EME2: variants seen among roughly 807,000 people sequenced by gnomAD.
The protein encoded by EME2 is structure-specific endonuclease subunit EME2.
Under a neutral mutation model 41.9 loss-of-function variants are expected in EME2, and 58 were observed. The ratio of observed to expected loss-of-function variants is 1.38; its 90% CI spans 1.12 to 1.72. The LOEUF (loss-of-function observed/expected upper bound fraction) is 1.72. Among genes scored for constraint, EME2 ranks in the 40% most tolerant of loss-of-function variants. EME2 has a pLI of 0.00. For synonymous variants in EME2, 334 were observed against 239.3 expected (o/e 1.40, Z -3.65); for missense variants, 695 against 541.9 (o/e 1.28, Z -2.81).
chr16:1,777,199 G>A lies in EME2; in HGVS notation c.*961G>A. 6.2e-7 allele frequency: 1 copy of A among 1,610,460 alleles called. No individual in the cohort carries two copies. On this transcript the variant is annotated 3_prime_UTR_variant, in exon 8 of 8. Coordinates refer to ENST00000568449, the MANE Select transcript of EME2 (RefSeq NM_001257370.2). ...GATCGGACACTGGAGCCTTGCGGCG[G>A]CTGCAACTCATGCTCAGGACCCAGC... is the stretch of plus-strand genomic sequence containing the variant.
At position 1,776,841 on chromosome 16, in the gene EME2, C is replaced by G. The variant is rs2042720421; in HGVS notation, c.*603C>G. ...GTGGGAACAGCAACGCGGGCTCCAG[C>G]CAGGCTCTCGTCCTCGCAGCCTCCC... is the stretch of plus-strand genomic sequence containing the variant. On this transcript the variant is annotated 3_prime_UTR_variant, in exon 8 of 8. Transcript: ENST00000568449. 3.7e-6 allele frequency: 2 copies of G among 538,124 alleles called. No individual in the cohort carries two copies. Among genetic ancestry groups the G allele is most frequent in the Non-Finnish European group, 6.5e-6 (2 of 305,356 alleles). The allele number at this position is 538,124 out of a possible 1,614,324, so 33.3% of individuals were successfully genotyped here. A position where few individuals can be genotyped will look rare whatever the true frequency, so the allele number is the denominator to read the frequency against.
chr16:1,775,965 C>A lies in EME2; in HGVS notation c.948C>A (p.Pro316=). ...CTGATGCAGTTGTCACAGCCTTCCC[C>A]TCCCCCCGCCTTCTGCAGCAGGTGG... The part of the protein sequence containing the change: ...AVADAVVTAF[P]SPRLLQQALE... The change falls in exon 7 of 8, where the codon CCC becomes CCA. Residue 316 remains proline (P), a synonymous_variant. Coordinates refer to ENST00000568449, the MANE Select transcript of EME2 (RefSeq NM_001257370.2). The A allele has an allele frequency of 6.2e-7, 1 of 1,609,308 alleles. No homozygotes were observed. Among genetic ancestry groups the A allele is most frequent in the Admixed American group, 1.7e-5 (1 of 59,908 alleles).
At position 1,778,667 on chromosome 16, in the gene EME2, C is replaced by T. The variant is rs1226259469; in HGVS notation, c.*2429C>T. 6.6e-7 allele frequency: 1 copy of T among 1,504,164 alleles called. No individual in the cohort carries two copies. The highest frequency in any genetic ancestry group is 1.4e-5 in the African/African-American group (1 of 72,104). 93.2% of individuals were successfully genotyped at this position (1,504,164 alleles called of 1,614,324 possible). On this transcript the variant is annotated 3_prime_UTR_variant, in exon 8 of 8. Transcript: ENST00000568449. The stretch of plus-strand genomic sequence containing the variant: ...TGTTGCCCGCTCTCTACCCTCTCAC[C>T]CTTGCCCTCTGTCCCTGTCCCACCC...
Position 1,778,653 on chromosome 16 carries a change from C to T in EME2, c.*2415C>T. ...CGGCTGTTACTACCTGTTGCCCGCT[C>T]TCTACCCTCTCACCCTTGCCCTCTG... On this transcript the variant is annotated 3_prime_UTR_variant, in exon 8 of 8. Transcript: ENST00000568449. 1 of 1,516,598 alleles carries T rather than the reference C, an allele frequency of 6.6e-7. No individual in the cohort carries two copies. The highest frequency in any genetic ancestry group is 2.5e-4 in the Middle Eastern group (1 of 4,058). 93.9% of individuals were successfully genotyped at this position (1,516,598 alleles called of 1,614,324 possible).
rs772844873 is a variant in EME2, at chr16:1,775,985, A to G, written c.968A>G (p.Gln323Arg). The G allele has an allele frequency of 3.2e-5, 51 of 1,608,282 alleles. No individual in the cohort carries two copies. Among genetic ancestry groups the G allele is most frequent in the Non-Finnish European group, 4.2e-5 (49 of 1,179,042 alleles). Reference sequence around the variant, plus strand: ...TTCCCCTCCCCCCGCCTTCTGCAGCAGGTGGGCCCCTGCCTCCTCCAAGCC... The same window carrying G: ...TTCCCCTCCCCCCGCCTTCTGCAGCGGGTGGGCCCCTGCCTCCTCCAAGCC... ...TAFPSPRLLQ[Q>R]ALEACSTERE... Residue 323 changes from glutamine to arginine, a missense_variant and splice_region_variant, in exon 7 of 8, where the codon CAG becomes CGG. Coordinates refer to ENST00000568449, the MANE Select transcript of EME2 (RefSeq NM_001257370.2).
intron 3 of EME2, among the ~76,000 whole-genome samples, chr16:1,774,665 C>T (rs2042682045): frequency 6.6e-6 from 1 of 152,244 alleles, no homozygotes; most frequent in African/African-American, 2.4e-5. Flanking sequence ...GAGCAGTGCT[C>T]AGGTGCTGTG....
chr16:1,775,763 CAT>C (rs1376841229), intron 6 of EME2, 32 bp from the exon 7 acceptor site: 2 of 1,612,290 alleles, frequency 1.2e-6, no homozygotes, highest in African/African-American at 1.3e-5. Context: ...GAGCTGCTCA[CAT>C]GAGGTTCTAA....
At chr16:1,774,114 G>C (rs2076433) in intron 2 of EME2, 146 bp from the exon 3 acceptor site, 107,316 of 780,124 alleles carry the variant, frequency 0.14, 8,528 homozygotes, top group East Asian at 0.29. Flanking sequence ...TGGCAGGAAA[G>C]GGAACACTGG....
Position 1,778,346 on chromosome 16 carries a change from C to A in EME2, c.*2108C>A, listed in dbSNP as rs958273887. 6.2e-7 allele frequency: 1 copy of A among 1,611,318 alleles called. No individual in the cohort carries two copies. The highest frequency in any genetic ancestry group is 8.5e-7 in the Non-Finnish European group (1 of 1,179,822). On this transcript the variant is annotated 3_prime_UTR_variant, in exon 8 of 8. Coordinates refer to ENST00000568449, the MANE Select transcript of EME2 (RefSeq NM_001257370.2). ...TCTGCAAGAGAGGCCCAGGCTGGGGCAGCCCTGAGAGCTCCATGGGGCTCT... is the reference window on the plus strand; with the variant it reads ...TCTGCAAGAGAGGCCCAGGCTGGGGAAGCCCTGAGAGCTCCATGGGGCTCT...
chr16:1,776,019 G>A (rs2042707074), intron 7 of EME2, 33 bp downstream of exon 7: 1 of 1,606,040 alleles, frequency 6.2e-7, no homozygotes, highest in Non-Finnish European at 8.5e-7. Flanking sequence ...CCCTCCAGGT[G>A]CAGAAGCCCC....
In EME2 at chr16:1,778,988, C is replaced by A. The variant is rs1012698223; in HGVS notation, c.*2750C>A. 1 of 194,288 alleles carries A rather than the reference C, an allele frequency of 5.1e-6. No homozygotes were observed. Among genetic ancestry groups the A allele is most frequent in the Non-Finnish European group, 1.0e-5 (1 of 95,670 alleles). The allele number at this position is 194,288 out of a possible 1,614,324, so 12.0% of individuals were successfully genotyped here. On this transcript the variant is annotated 3_prime_UTR_variant, in exon 8 of 8. Coordinates refer to ENST00000568449, the MANE Select transcript of EME2 (RefSeq NM_001257370.2). The stretch of plus-strand genomic sequence containing the variant: ...GGCCCCCAGGCAAGGCCACCACCCC[C>A]ACACCAGGCCCAGCTGCAGCCACCC...
intron 1 of EME2, 100 bp from the exon 2 acceptor site, chr16:1,773,605 T>C: frequency 6.5e-7 from 1 of 1,533,186 alleles, no homozygotes; most frequent in Non-Finnish European, 8.8e-7. Context: ...AGTCGGGGGT[T>C]TGTGCCGAAT....
chr16:1,775,085 C>G lies in EME2; in HGVS notation c.522C>G (p.Thr174=). The G allele has an allele frequency of 1.9e-6, 3 of 1,611,172 alleles. No individual in the cohort carries two copies. Among genetic ancestry groups the G allele is most frequent in the Non-Finnish European group, 2.5e-6 (3 of 1,179,976 alleles). The part of the protein sequence containing the change: ...THWVPWISPE[T]TARPHLAVIG... ...GGGTGCCCTGGATCTCCCCCGAGAC[C>G]ACCGCCCGGCCCCACCTGGCTGTCA... Residue 174 remains threonine, a synonymous_variant, in exon 4 of 8, where the codon ACC becomes ACG. Coordinates refer to ENST00000568449, the MANE Select transcript of EME2 (RefSeq NM_001257370.2).
chr16:1,773,137 A>C lies in EME2; in HGVS notation c.-91A>C. ...CGCGCCATGGCGGGTCCGCGTCCTC[A>C]GCGGTCCGGCCGGAAGTCACCGGAA... is the stretch of plus-strand genomic sequence containing the variant. On this transcript the variant is annotated 5_prime_UTR_variant, in exon 1 of 8. Transcript: ENST00000568449. 4 of 1,389,868 alleles carry C rather than the reference A, an allele frequency of 2.9e-6. No homozygotes were observed. Among genetic ancestry groups the C allele is most frequent in the Non-Finnish European group, 3.7e-6 (4 of 1,077,504 alleles). 86.1% of individuals were successfully genotyped at this position (1,389,868 alleles called of 1,614,324 possible). A position where few individuals can be genotyped will look rare whatever the true frequency, so the allele number is the denominator to read the frequency against.
Position 1,777,542 on chromosome 16 carries a change from C to T in EME2, c.*1304C>T, listed in dbSNP as rs1050493022. 1.1e-5 allele frequency: 15 copies of T among 1,371,102 alleles called. No homozygotes were observed. The Admixed American group carries it at 2.2e-4, about 20-fold the overall frequency. The allele number at this position is 1,371,102 out of a possible 1,614,324, so 84.9% of individuals were successfully genotyped here. On this transcript the variant is annotated 3_prime_UTR_variant, in exon 8 of 8. Transcript: ENST00000568449. ...ACGCTACAGTCACCCGGGTGGGCAG[C>T]TGGCACAGCTGAGGCAAGGCAGGGT...
At chr16:1,775,249 G>A in intron 4 of EME2, 66 bp from the exon 5 acceptor site, 1 of 1,595,186 alleles carries the variant, frequency 6.3e-7, no homozygotes, top group Non-Finnish European at 8.6e-7. Context: ...GTGGGCTCTG[G>A]CAGAGGCCAA....
intron 3 of EME2, among the ~76,000 whole-genome samples, chr16:1,774,617 G>A (rs1343250157): frequency 5.9e-5 from 9 of 152,360 alleles, no homozygotes; most frequent in East Asian, 3.9e-4. Context: ...TGCAGGCTTC[G>A]TCCTCTGACA....
At chr16:1,775,181 C>G (rs778851088) in intron 4 of EME2, 49 bp downstream of exon 4, 6 of 1,598,660 alleles carry the variant, frequency 3.8e-6, no homozygotes, top group Non-Finnish European at 5.1e-6. Context: ...GACGGGGGTT[C>G]AGGGGAGGTG....
Position 1,781,319 on chromosome 16 carries a change from C to T in EME2, c.*5081C>T. 6.2e-7 allele frequency: 1 copy of T among 1,612,830 alleles called. No homozygotes were observed. The highest frequency in any genetic ancestry group is 8.5e-7 in the Non-Finnish European group (1 of 1,179,982). On this transcript the variant is annotated 3_prime_UTR_variant, in exon 8 of 8. Coordinates refer to ENST00000568449, the MANE Select transcript of EME2 (RefSeq NM_001257370.2). ...CTGCCTGCCTAGGGCATCTCCACAC[C>T]TTAGGCCAGCCACGTCCGCCTCGCC...
Sources: allele counts gnomAD v4.1 joint callset (sites outside exome capture counted in the v4.1 genomes callset), GRCh38; gene constraint gnomAD v4.1.1; transcripts MANE v1.5; gene names NCBI Gene and HGNC (gene_info 2026-07-23, HGNC 2026-07-21).